CSMD1: variants seen among roughly 807,000 people sequenced by gnomAD.
CSMD1 encodes CUB and sushi domain-containing protein 1.
CSMD1 carries 213 observed loss-of-function variants against 417.5 expected under a neutral mutation model. That is an observed-to-expected ratio of 0.51 (90% CI 0.46 to 0.57). CSMD1 has a LOEUF of 0.57. CSMD1 is among the 20% of genes least tolerant of loss of function. The probability of loss-of-function intolerance (pLI) is 0.00; values close to 1 mark genes in which losing one functional copy is unlikely to be tolerated. For missense variants in CSMD1, 6,923 were observed against 4,529.7 expected, an observed-to-expected ratio of 1.53 and a Z score of -15.17; for synonymous variants, 2,862 against 1,736.8, an observed-to-expected ratio of 1.65 and a Z score of -16.11.
At chr8:4,473,426 C>A (rs762672448) in intron 2 of CSMD1, among the ~76,000 whole-genome samples, 7 of 152,142 alleles carry the variant, frequency 4.6e-5, no homozygotes, top group African/African-American at 7.2e-5. Flanking sequence ...AGTCAGCTTA[C>A]CTGAGTATTA....
intron 25 of CSMD1, among the ~76,000 whole-genome samples, chr8:3,304,933 C>T (rs545932244): frequency 2.0e-5 from 3 of 152,016 alleles, no homozygotes; most frequent in South Asian, 4.2e-4. Flanking sequence ...AAAGTCATTC[C>T]ATTAGCATAG....
intron 50 of CSMD1, among the ~76,000 whole-genome samples, chr8:3,029,889 A>G (rs1452145240): frequency 6.6e-6 from 1 of 152,084 alleles, no homozygotes; most frequent in African/African-American, 2.4e-5. Flanking sequence ...GGAACTTGGA[A>G]TAGTAATTGT....
At chr8:4,713,847 CT>C (rs966122881) in intron 1 of CSMD1, among the ~76,000 whole-genome samples, 7 of 152,108 alleles carry the variant, frequency 4.6e-5, no homozygotes, top group Non-Finnish European at 1.5e-5. Flanking sequence ...ATTTTCCTAT[CT>C]TTTGAAGATG....
chr8:3,481,416 T>G (rs542444627), intron 11 of CSMD1, among the ~76,000 whole-genome samples: 3 of 152,172 alleles, frequency 2.0e-5, no homozygotes, highest in East Asian at 1.9e-4. Flanking sequence ...TTTCAAAAAG[T>G]TGAAGGGGTA....
intron 5 of CSMD1, among the ~76,000 whole-genome samples, chr8:3,782,707 C>G (rs1257154784): frequency 4.6e-5 from 7 of 152,072 alleles, no homozygotes; most frequent in Non-Finnish European, 1.0e-4. Flanking sequence ...TAGTTTTTGG[C>G]TAGGTTCAAG....
chr8:3,138,868 A>T (rs1393538477), intron 41 of CSMD1, among the ~76,000 whole-genome samples: 1 of 152,206 alleles, frequency 6.6e-6, no homozygotes, highest in African/African-American at 2.4e-5. Flanking sequence ...AAGCATGGTA[A>T]ACGCTTTCAT....
intron 2 of CSMD1, among the ~76,000 whole-genome samples, chr8:4,425,565 C>T: frequency 6.6e-6 from 1 of 152,054 alleles, no homozygotes; most frequent in Non-Finnish European, 1.5e-5. Flanking sequence ...TCCTTGGTGG[C>T]TCACAAATGT....
At chr8:3,011,312 G>A (rs184903505) in intron 52 of CSMD1, among the ~76,000 whole-genome samples, 4 of 152,070 alleles carry the variant, frequency 2.6e-5, no homozygotes, top group South Asian at 4.1e-4. Flanking sequence ...CACTTAAGAC[G>A]GTATGGCAAA....
At chr8:3,107,904 C>A (rs762783632) in intron 44 of CSMD1, 106 bp from the exon 45 acceptor site, 29 of 694,226 alleles carry the variant, frequency 4.2e-5, no homozygotes, top group African/African-American at 3.4e-4. Flanking sequence ...CTTAAGTACA[C>A]GGACTGAAAT....
At chr8:3,551,267 G>A (rs1489463097) in intron 10 of CSMD1, among the ~76,000 whole-genome samples, 1 of 152,044 alleles carries the variant, frequency 6.6e-6, no homozygotes, top group Non-Finnish European at 1.5e-5. Flanking sequence ...ATATCTTGTG[G>A]CATATTTTCT....
At chr8:4,859,380 A>C (rs994032078) in intron 1 of CSMD1, among the ~76,000 whole-genome samples, 5 of 152,160 alleles carry the variant, frequency 3.3e-5, no homozygotes, top group Non-Finnish European at 7.4e-5. Context: ...TCTAAAACAC[A>C]AAAAGCAATA....
intron 3 of CSMD1, among the ~76,000 whole-genome samples, chr8:4,186,381 C>T (rs1012736701): frequency 6.6e-6 from 1 of 152,154 alleles, no homozygotes; most frequent in Admixed American, 6.5e-5. Context: ...AATGCAGCAT[C>T]TCTGCTCACC....
intron 3 of CSMD1, among the ~76,000 whole-genome samples, chr8:4,401,233 A>C (rs1261443519): frequency 6.6e-6 from 1 of 152,172 alleles, no homozygotes; most frequent in African/African-American, 2.4e-5. Flanking sequence ...GAATTTCAGC[A>C]TTGTATGCTT....
Position 3,108,707 on chromosome 8 carries a change from C to G in CSMD1, c.6650G>C (p.Ser2217Thr), listed in dbSNP as rs758631199. ...DQNSPQLGVF[S>T]GNTALETAYS... ...CGCCGTTTCGAGGGCTGTGTTGCCACTGAAAACTCCCAGCTGGGGTGAGTT... is the reference window on the plus strand; with the variant it reads ...CGCCGTTTCGAGGGCTGTGTTGCCAGTGAAAACTCCCAGCTGGGGTGAGTT... The change falls in exon 44 of 70, where the codon AGT becomes ACT. Residue 2217 changes from serine to threonine, a missense_variant. By Grantham distance (58) the Ser-to-Thr change is moderately conservative. Coordinates refer to ENST00000635120, the MANE Select transcript of CSMD1 (RefSeq NM_033225.6). 6.2e-7 allele frequency: 1 copy of G among 1,613,610 alleles called. No individual in the cohort carries two copies. Among genetic ancestry groups the G allele is most frequent in the South Asian group, 1.1e-5 (1 of 90,938 alleles).
chr8:3,178,210 GTGTT>G (rs1419065264), intron 37 of CSMD1, among the ~76,000 whole-genome samples: 1 of 152,086 alleles, frequency 6.6e-6, no homozygotes, highest in Non-Finnish European at 1.5e-5. Context: ...TCAAATATAA[GTGTT>G]TGGTTTTTGT....
At chr8:3,249,974 A>G (rs1042670935) in intron 26 of CSMD1, among the ~76,000 whole-genome samples, 1 of 152,268 alleles carries the variant, frequency 6.6e-6, no homozygotes, top group African/African-American at 2.4e-5. Flanking sequence ...GTTAAAAACT[A>G]GTGAACAGTA....
intron 2 of CSMD1, among the ~76,000 whole-genome samples, chr8:4,504,484 A>T (rs1337301099): frequency 6.6e-6 from 1 of 152,106 alleles, no homozygotes; most frequent in African/African-American, 2.4e-5. Context: ...AGTGTTCTTT[A>T]TTTAAGTTCT....
chr8:3,268,256 C>T (rs564904565), intron 26 of CSMD1, among the ~76,000 whole-genome samples: 1 of 149,780 alleles, frequency 6.7e-6, no homozygotes, highest in African/African-American at 2.5e-5. Context: ...GCGACTTTCT[C>T]CCATCAGGGT....
chr8:4,129,630 G>A (rs1189218044), intron 3 of CSMD1, among the ~76,000 whole-genome samples: 1 of 151,960 alleles, frequency 6.6e-6, no homozygotes, highest in African/African-American at 2.4e-5. Context: ...TTTCCTCTCT[G>A]GAAATTTGGT....
Sources: gnomAD v4.1 joint callset for allele counts (sites outside exome capture counted in the v4.1 genomes callset) on GRCh38, gnomAD v4.1.1 for gene constraint, MANE v1.5 for transcripts, NCBI Gene and HGNC (gene_info 2026-07-23, HGNC 2026-07-21) for gene names.